CCDC7: variants seen among roughly 807,000 people sequenced by gnomAD.
CCDC7 encodes coiled-coil domain-containing protein 7.
Under a neutral mutation model 196.9 loss-of-function variants are expected in CCDC7, and 183 were observed. The observed-to-expected ratio is 0.93, with a 90% CI of 0.82 to 1.05. CCDC7 has a LOEUF of 1.05. Among genes scored for constraint, CCDC7 ranks in the 50% least tolerant of loss-of-function variants. The pLI, the probability that CCDC7 is intolerant of heterozygous loss-of-function variation, is 0.00. For missense variants in CCDC7, 1,540 were observed against 1,482.2 expected, an observed-to-expected ratio of 1.04 and a Z score of -0.64; for synonymous variants, 525 against 484.6, an observed-to-expected ratio of 1.08 and a Z score of -1.10.
intron 16 of CCDC7, among the ~76,000 whole-genome samples, chr10:32,581,553 G>A (rs181456385): frequency 9.2e-4 from 140 of 152,138 alleles, no homozygotes; most frequent in African/African-American, 3.1e-3. Context: ...AGCATTGCTT[G>A]CACACCTTCC....
chr10:32,590,588 C>T (rs548659529), intron 18 of CCDC7, among the ~76,000 whole-genome samples: 130 of 152,232 alleles, frequency 8.5e-4, no homozygotes, highest in African/African-American at 2.8e-3. Flanking sequence ...TTTATACCTT[C>T]AAATGATTTC....
chr10:32,472,864 G>A (rs974226529), intron 7 of CCDC7, among the ~76,000 whole-genome samples: 1 of 151,910 alleles, frequency 6.6e-6, no homozygotes, highest in African/African-American at 2.4e-5. Flanking sequence ...CTAAAATGTT[G>A]GGATTACAGG....
intron 9 of CCDC7, chr10:32,514,173 T>C (rs550036015): frequency 6.6e-6 from 1 of 152,318 alleles, no homozygotes; most frequent in East Asian, 1.9e-4. Flanking sequence ...AATTTGTATT[T>C]CTATACACTA....
chr10:32,645,912 T>C (rs2067684780), intron 20 of CCDC7, among the ~76,000 whole-genome samples: 1 of 152,072 alleles, frequency 6.6e-6, no homozygotes, highest in Non-Finnish European at 1.5e-5. Flanking sequence ...GTTTTAGTTA[T>C]TTGAATTTCC....
intron 28 of CCDC7, among the ~76,000 whole-genome samples, chr10:32,740,164 A>G (rs2085580015): frequency 6.6e-6 from 1 of 152,144 alleles, no homozygotes; most frequent in African/African-American, 2.4e-5. Context: ...GTTGAAGGGT[A>G]GAAAGCAGCT....
At chr10:32,644,735 C>A (rs891599946) in intron 20 of CCDC7, among the ~76,000 whole-genome samples, 16 of 152,306 alleles carry the variant, frequency 1.1e-4, no homozygotes, top group Admixed American at 1.0e-3. Context: ...TCACTTCTTC[C>A]TCATTCTCTT....
intron 9 of CCDC7, chr10:32,512,024 G>T: frequency 2.7e-6 from 1 of 373,952 alleles, no homozygotes; most frequent in Non-Finnish European, 4.9e-6. Flanking sequence ...TATTCTTCAG[G>T]ATCTTGTCAG....
intron 3 of CCDC7, 88 bp from the exon 5 acceptor site, chr10:32,462,595 A>G (rs2035965466): frequency 9.2e-6 from 10 of 1,091,350 alleles, no homozygotes; most frequent in Middle Eastern, 3.1e-4. Flanking sequence ...TTTGTGATTG[A>G]AAATTGCAAA....
intron 21 of CCDC7, among the ~76,000 whole-genome samples, chr10:32,680,899 C>T (rs1442798212): frequency 6.6e-6 from 1 of 152,150 alleles, no homozygotes; most frequent in Non-Finnish European, 1.5e-5. Context: ...GAAAATTTCA[C>T]CAGGCTCTCT....
intron 21 of CCDC7, among the ~76,000 whole-genome samples, chr10:32,679,941 G>A (rs560319181): frequency 2.0e-5 from 3 of 152,262 alleles, no homozygotes; most frequent in East Asian, 3.9e-4. Context: ...GAATTGTTAC[G>A]TAAGTTTTCA....
At chr10:32,500,304 G>A (rs1440677039) in intron 9 of CCDC7, among the ~76,000 whole-genome samples, 2 of 151,594 alleles carry the variant, frequency 1.3e-5, no homozygotes, top group African/African-American at 4.8e-5. Flanking sequence ...GCAGCTGCTG[G>A]GCGGAGGGGC....
intron 14 of CCDC7, among the ~76,000 whole-genome samples, chr10:32,566,512 T>C (rs2056813413): frequency 6.6e-6 from 1 of 152,194 alleles, no homozygotes; most frequent in Non-Finnish European, 1.5e-5. Flanking sequence ...TTACCTATTC[T>C]GATTTAAATG....
chr10:32,685,705 T>C (rs114425937), intron 21 of CCDC7, among the ~76,000 whole-genome samples: 2,847 of 152,320 alleles, frequency 0.019, 94 homozygotes, highest in African/African-American at 0.065. Context: ...CTATATGATC[T>C]ATACAATATA....
intron 13 of CCDC7, among the ~76,000 whole-genome samples, chr10:32,555,431 A>C (rs2136426375): frequency 6.6e-6 from 1 of 152,094 alleles, no homozygotes; most frequent in South Asian, 2.1e-4. Context: ...TTTTTAGTAG[A>C]GGCGGGGTTT....
At position 32,735,055 on chromosome 10, in the gene CCDC7, C is replaced by T. The variant is rs373036496; in HGVS notation, c.2905+5598C>T. Reference sequence around the variant, plus strand: ...CACAGTCTTTTGTAAACAGTTTAGACAGAGGCTCTTGGTGCTATATGATTT... The same window carrying T: ...CACAGTCTTTTGTAAACAGTTTAGATAGAGGCTCTTGGTGCTATATGATTT... On this transcript the variant is annotated intron_variant, in intron 28 of 41. Coordinates refer to ENST00000639629, the Ensembl canonical transcript of CCDC7. 6.1e-5 allele frequency among the ~76,000 whole-genome samples: 3 copies of T among 49,484 alleles called. No individual in the cohort carries two copies. The East Asian group carries it at 2.5e-3, about 41-fold the overall frequency. 32.5% of individuals were successfully genotyped at this position (49,484 alleles called of 152,430 possible). A position where few individuals can be genotyped will look rare whatever the true frequency, so the allele number is the denominator to read the frequency against.
At chr10:32,518,363 T>C (rs2047376325) in intron 10 of CCDC7, 53 bp from the exon 12 acceptor site, 51 of 1,505,448 alleles carry the variant, frequency 3.4e-5, no homozygotes, top group Non-Finnish European at 4.4e-5. Context: ...CTGAATAACC[T>C]TTCTACATTG....
intron 28 of CCDC7, among the ~76,000 whole-genome samples, chr10:32,749,007 G>A (rs1304927920): frequency 6.6e-6 from 1 of 152,100 alleles, no homozygotes; most frequent in Admixed American, 6.6e-5. Flanking sequence ...AGCCTCCTTG[G>A]TGGTTTTATC....
chr10:32,484,837 A>C (rs988363720), intron 8 of CCDC7, among the ~76,000 whole-genome samples: 1 of 152,196 alleles, frequency 6.6e-6, no homozygotes, highest in African/African-American at 2.4e-5. Context: ...CTTGCATCCC[A>C]GGGATGAAGC....
intron 25 of CCDC7, among the ~76,000 whole-genome samples, chr10:32,712,352 AC>A (rs1189988838): frequency 6.6e-6 from 1 of 152,180 alleles, no homozygotes; most frequent in East Asian, 1.9e-4. Context: ...GGAATGGAGC[AC>A]CATAGCCTTT....
Sources: gnomAD v4.1 joint callset for allele counts (sites outside exome capture counted in the v4.1 genomes callset) on GRCh38, gnomAD v4.1.1 for gene constraint, MANE v1.5 for transcripts, NCBI Gene and HGNC (gene_info 2026-07-23, HGNC 2026-07-21) for gene names.